The following PTPRM variants were observed in gnomAD, a reference collection of about 807,000 sequenced individuals.
PTPRM encodes receptor-type tyrosine-protein phosphatase mu.
PTPRM carries 47 observed loss-of-function variants against 186.7 expected under a neutral mutation model. The observed-to-expected ratio is 0.25, with a 90% CI of 0.20 to 0.32. The LOEUF (loss-of-function observed/expected upper bound fraction) is 0.32, where lower values mean the gene tolerates loss of function less well. PTPRM is among the 10% of genes least tolerant of loss of function. The pLI, the probability that PTPRM is intolerant of heterozygous loss-of-function variation, is 1.00. For synonymous variants in PTPRM, 668 were observed against 674.9 expected, an observed-to-expected ratio of 0.99 and a Z score of 0.16; for missense variants, 1,494 against 1,865.0, an observed-to-expected ratio of 0.80 and a Z score of 3.66.
intron 14 of PTPRM, among the ~76,000 whole-genome samples, chr18:8,150,257 T>G (rs998255749): frequency 4.6e-5 from 7 of 152,206 alleles, no homozygotes; most frequent in Admixed American, 3.9e-4. Context: ...TTGGTTCCAT[T>G]CTCCTCGTCA....
intron 10 of PTPRM, among the ~76,000 whole-genome samples, chr18:8,086,819 A>G (rs1224069606): frequency 1.3e-5 from 2 of 152,160 alleles, no homozygotes; most frequent in Non-Finnish European, 2.9e-5. Context: ...TTTCTTTTTA[A>G]GCAATTATAA....
chr18:7,980,201 C>T (rs1359008359), intron 7 of PTPRM, among the ~76,000 whole-genome samples: 1 of 152,050 alleles, frequency 6.6e-6, no homozygotes, highest in Non-Finnish European at 1.5e-5. Context: ...CTTTCTACTA[C>T]CTCACCTCTG....
chr18:8,216,503 T>A (rs144444988), intron 14 of PTPRM, among the ~76,000 whole-genome samples: 131 of 152,364 alleles, frequency 8.6e-4, no homozygotes, highest in Middle Eastern at 6.8e-3. Context: ...ATTCTGCTGA[T>A]GTCTTTGTTT....
At chr18:7,988,510 C>G (rs1165520784) in intron 7 of PTPRM, among the ~76,000 whole-genome samples, 2 of 152,030 alleles carry the variant, frequency 1.3e-5, no homozygotes, top group Non-Finnish European at 2.9e-5. Flanking sequence ...GATCTATATC[C>G]AAAACATTGG....
chr18:7,845,370 C>A (rs2046541093), intron 2 of PTPRM, among the ~76,000 whole-genome samples: 1 of 152,150 alleles, frequency 6.6e-6, no homozygotes, highest in South Asian at 2.1e-4. Flanking sequence ...TGACAAATGT[C>A]CACGTCAACT....
At chr18:8,314,398 T>A (rs991952800) in intron 20 of PTPRM, among the ~76,000 whole-genome samples, 6 of 152,196 alleles carry the variant, frequency 3.9e-5, no homozygotes, top group Non-Finnish European at 8.8e-5. Flanking sequence ...AATCATCATT[T>A]GTCAAGGTGG....
At chr18:7,984,590 T>TAC (rs1393749486) in intron 7 of PTPRM, among the ~76,000 whole-genome samples, 21 of 123,938 alleles carry the variant, frequency 1.7e-4, no homozygotes, top group African/African-American at 6.9e-4. Context: ...TATATATATA[T>TAC]ATATATATAT....
chr18:8,014,932 C>T (rs1223283379), intron 7 of PTPRM, among the ~76,000 whole-genome samples: 1 of 151,912 alleles, frequency 6.6e-6, no homozygotes, highest in Non-Finnish European at 1.5e-5. Context: ...TTGCTTGGTG[C>T]CTCAGAGAAA....
chr18:7,881,519 C>G (rs1205666636), intron 2 of PTPRM, among the ~76,000 whole-genome samples: 1 of 152,216 alleles, frequency 6.6e-6, no homozygotes, highest in Non-Finnish European at 1.5e-5. Context: ...CTTAGGAGCA[C>G]TGCCTTTGCA....
intron 13 of PTPRM, among the ~76,000 whole-genome samples, chr18:8,130,824 G>T (rs1372455130): frequency 3.3e-5 from 5 of 152,204 alleles, no homozygotes; most frequent in Admixed American, 1.3e-4. Context: ...CAAGTAGTGG[G>T]TTCAAGTCCA....
intron 1 of PTPRM, among the ~76,000 whole-genome samples, chr18:7,620,855 G>A (rs2037920798): frequency 6.6e-6 from 1 of 152,046 alleles, no homozygotes; most frequent in South Asian, 2.1e-4. Context: ...CCTATCAAAA[G>A]CCAGTTCAAA....
At chr18:7,582,384 A>C (rs1319039216) in intron 1 of PTPRM, among the ~76,000 whole-genome samples, 1 of 152,158 alleles carries the variant, frequency 6.6e-6, no homozygotes, top group Non-Finnish European at 1.5e-5. Context: ...GTGATCTCTC[A>C]TTCCAAAGAG....
chr18:8,196,122 G>A (rs1207066446), intron 14 of PTPRM, among the ~76,000 whole-genome samples: 1 of 152,238 alleles, frequency 6.6e-6, no homozygotes, highest in African/African-American at 2.4e-5. Flanking sequence ...CCCCTAGAGT[G>A]TGAACCGTAA....
At chr18:7,780,632 A>T (rs1338246223) in intron 2 of PTPRM, among the ~76,000 whole-genome samples, 2 of 152,174 alleles carry the variant, frequency 1.3e-5, no homozygotes, top group African/African-American at 4.8e-5. Flanking sequence ...GCCTGGCTAT[A>T]GGTGCTAGAG....
At chr18:8,259,757 C>T (rs967573923) in intron 19 of PTPRM, among the ~76,000 whole-genome samples, 1 of 152,164 alleles carries the variant, frequency 6.6e-6, no homozygotes, top group South Asian at 2.1e-4. Context: ...AAGTGATTTT[C>T]CCAACCCAGC....
intron 2 of PTPRM, among the ~76,000 whole-genome samples, chr18:7,839,662 A>T (rs1036814664): frequency 7.9e-5 from 12 of 152,158 alleles, no homozygotes; most frequent in African/African-American, 2.9e-4. Flanking sequence ...GGCTTAGGGT[A>T]GGAATGATGC....
intron 14 of PTPRM, among the ~76,000 whole-genome samples, chr18:8,182,688 A>G (rs1452052393): frequency 2.0e-5 from 3 of 152,274 alleles, no homozygotes; most frequent in Non-Finnish European, 4.4e-5. Flanking sequence ...TCAAAAATAC[A>G]TACTGCAGCT....
At chr18:8,211,506 T>G (rs1244823627) in intron 14 of PTPRM, among the ~76,000 whole-genome samples, 1 of 149,990 alleles carries the variant, frequency 6.7e-6, no homozygotes, top group African/African-American at 2.5e-5. Flanking sequence ...CGGTTTCAAG[T>G]GATTCTCCTA....
intron 7 of PTPRM, among the ~76,000 whole-genome samples, chr18:8,008,918 A>G (rs987456910): frequency 6.6e-6 from 1 of 152,212 alleles, no homozygotes; most frequent in African/African-American, 2.4e-5. Flanking sequence ...GTAAATATTA[A>G]GTGCTTAATA....
Sources: allele counts gnomAD v4.1 joint callset (sites outside exome capture counted in the v4.1 genomes callset), GRCh38; gene constraint gnomAD v4.1.1; transcripts MANE v1.5; gene names NCBI Gene and HGNC (gene_info 2026-07-23, HGNC 2026-07-21).